The following PRKAB2 variants were observed in gnomAD, a reference collection of about 807,000 sequenced individuals.
PRKAB2 encodes the protein protein kinase AMP-activated non-catalytic subunit beta 2.
A neutral mutation model predicts 29.8 loss-of-function variants in PRKAB2; 18 were observed. The ratio of observed to expected loss-of-function variants is 0.60; its 90% CI spans 0.42 to 0.89. The LOEUF (loss-of-function observed/expected upper bound fraction) is 0.89. PRKAB2 is among the 40% of genes least tolerant of loss of function. The pLI is 0.00. For missense variants in PRKAB2, 270 were observed against 344.3 expected (o/e 0.78, Z 1.71); for synonymous variants, 136 against 125.9 (o/e 1.08, Z -0.54).
intron 5 of PRKAB2, 85 bp from the exon 6 acceptor site, chr1:147,162,658 C>T: frequency 1.5e-6 from 2 of 1,336,620 alleles, no homozygotes; most frequent in South Asian, 1.4e-5. Flanking sequence ...TGGCAGCTAA[C>T]ATTAAATATG....
At position 147,159,953 on chromosome 1, in the gene PRKAB2, T is replaced by A. The variant is rs373100641; in HGVS notation, c.742-311A>T. 3.4e-4 allele frequency among the ~76,000 whole-genome samples: 52 copies of A among 152,178 alleles called. 3 individuals are homozygous for A. The South Asian group carries it at 0.011, about 31-fold the overall frequency. On this transcript the variant is annotated intron_variant, in intron 7 of 7. Coordinates refer to ENST00000254101, the MANE Select transcript of PRKAB2 (RefSeq NM_005399.5). ...CTGACACATAAAAGGGCTGAAGAAATAATAGTCTCCTACCTTGCTCCCTTC... is the reference window on the plus strand; with the variant it reads ...CTGACACATAAAAGGGCTGAAGAAAAAATAGTCTCCTACCTTGCTCCCTTC...
chr1:147,159,740 A>G, intron 7 of PRKAB2, 98 bp from the exon 8 acceptor site: 1 of 1,060,930 alleles, frequency 9.4e-7, no homozygotes, highest in Non-Finnish European at 1.4e-6. Context: ...CTTTTAACAG[A>G]GATAGTTTGA....
rs201034089 is a variant in PRKAB2, at chr1:147,167,947, T to C, written c.157-14A>G. On this transcript the variant is annotated splice_polypyrimidine_tract_variant and intron_variant, in intron 2 of 7. Coordinates refer to ENST00000254101, the MANE Select transcript of PRKAB2 (RefSeq NM_005399.5). ...GTCCCCAGGGAGCTGTAAGAAGGAG[T>C]AGGTCATCCCTAGAATAAACTGTGA... The C allele has an allele frequency of 3.1e-6, 5 of 1,606,758 alleles. No homozygotes were observed. The African/African-American group carries it at 5.4e-5, about 17-fold the overall frequency.
chr1:147,165,228 G>A (rs935783086), intron 5 of PRKAB2, among the ~76,000 whole-genome samples: 8 of 152,112 alleles, frequency 5.3e-5, no homozygotes, highest in Non-Finnish European at 7.4e-5. Flanking sequence ...AGGTTTCACC[G>A]TGTTAGCCAG....
chr1:147,169,188 T>C (rs1433204983), intron 2 of PRKAB2, among the ~76,000 whole-genome samples: 3 of 152,136 alleles, frequency 2.0e-5, no homozygotes, highest in African/African-American at 7.2e-5. Flanking sequence ...TGGGTTTTTT[T>C]TTAAAAAAAG....
rs1231243727 is a variant in PRKAB2 at position 147,159,455 on chromosome 1, C to T, written c.*110G>A. 10 of 881,576 alleles carry T rather than the reference C, an allele frequency of 1.1e-5. No individual in the cohort carries two copies. The Middle Eastern group carries it at 1.2e-3, about 109-fold the overall frequency. 54.6% of individuals were successfully genotyped at this position (881,576 alleles called of 1,614,324 possible). On this transcript the variant is annotated 3_prime_UTR_variant, in exon 8 of 8. Coordinates refer to ENST00000254101, the MANE Select transcript of PRKAB2 (RefSeq NM_005399.5). Reference sequence around the variant, plus strand: ...TCCTACTCAGAGGCTCTGAAACACACATATCAGCCTCAAAGCAAATCAGCC... The same window carrying T: ...TCCTACTCAGAGGCTCTGAAACACATATATCAGCCTCAAAGCAAATCAGCC...
At position 147,158,092 on chromosome 1, in the gene PRKAB2, T is replaced by C. The variant is rs1553912633; in HGVS notation, c.*1473A>G. On this transcript the variant is annotated 3_prime_UTR_variant, in exon 8 of 8. Coordinates refer to ENST00000254101, the MANE Select transcript of PRKAB2 (RefSeq NM_005399.5). ...ATCAACAGTTTAGCCTCCTTTAGTG[T>C]TGATTATTTGACTTATCTGCAAAAT... 1 of 152,126 alleles carries C rather than the reference T, an allele frequency of 6.6e-6. No individual in the cohort carries two copies. Among genetic ancestry groups the C allele is most frequent in the Non-Finnish European group, 1.5e-5 (1 of 68,020 alleles). The allele number at this position is 152,126 out of a possible 1,614,324, so 9.4% of individuals were successfully genotyped here.
intron 7 of PRKAB2, among the ~76,000 whole-genome samples, chr1:147,159,882 C>T (rs1376100136): frequency 1.3e-5 from 2 of 152,150 alleles, no homozygotes; most frequent in East Asian, 3.9e-4. Flanking sequence ...TAACACCTAC[C>T]ATTAAGGTTG....
rs1571050827 is a variant in PRKAB2, at chr1:147,159,406, G to A, written c.*159C>T. ...CCGTGAACTCATAAAGCTCTCATCT[G>A]CAATCAAATGCAAAAGCAGAGCATC... On this transcript the variant is annotated 3_prime_UTR_variant, in exon 8 of 8. Transcript: ENST00000254101. The A allele has an allele frequency of 6.9e-6, 4 of 576,836 alleles. No homozygotes were observed. In the East Asian group the frequency reaches 1.1e-4, roughly 16 times the overall value. The allele number at this position is 576,836 out of a possible 1,614,324, so 35.7% of individuals were successfully genotyped here. A position where few individuals can be genotyped will look rare whatever the true frequency, so the allele number is the denominator to read the frequency against.
Position 147,172,419 on chromosome 1 carries a change from C to T in PRKAB2, c.-24+10G>A, listed in dbSNP as rs1553914621. 5.8e-6 allele frequency: 3 copies of T among 519,444 alleles called. No individual in the cohort carries two copies. Among genetic ancestry groups the T allele is most frequent in the East Asian group, 7.0e-5 (2 of 28,760 alleles). 32.2% of individuals were successfully genotyped at this position (519,444 alleles called of 1,614,324 possible). On this transcript the variant is annotated intron_variant, in intron 1 of 7. Coordinates refer to ENST00000254101, the MANE Select transcript of PRKAB2 (RefSeq NM_005399.5). Reference sequence around the variant, plus strand: ...GCGCTCACTGCCAGGGGCGCCCCCACTCCAGTCACCTCGGGCGATGCGCTC... The same window carrying T: ...GCGCTCACTGCCAGGGGCGCCCCCATTCCAGTCACCTCGGGCGATGCGCTC...
intron 7 of PRKAB2, among the ~76,000 whole-genome samples, chr1:147,160,143 AT>A (rs1653883421): frequency 6.6e-6 from 1 of 152,198 alleles, no homozygotes; most frequent in Non-Finnish European, 1.5e-5. Flanking sequence ...TCTAATTTTC[AT>A]TTAAAACCAG....
rs367700618 is a variant in PRKAB2, at chr1:147,167,607, T to TA, written c.323+159dup. Among the ~76,000 whole-genome samples the TA allele has an allele frequency of 3.1e-4, 47 of 151,546 alleles. No individual in the cohort carries two copies. In the East Asian group the frequency reaches 6.2e-3, roughly 20 times the overall value. On this transcript the variant is annotated intron_variant, in intron 3 of 7. Transcript: ENST00000254101. The stretch of plus-strand genomic sequence containing the variant: ...AAACATCTCTGACTCACTATGAGGT[T>TA]AAAAAAAAATCCCACAGATATACTA...
chr1:147,161,817 T>C, intron 6 of PRKAB2, 37 bp from the exon 7 acceptor site: 1 of 1,503,538 alleles, frequency 6.7e-7, no homozygotes, highest in Non-Finnish European at 9.1e-7. Flanking sequence ...AAAAAATTAC[T>C]AAATGAAATT....
At chr1:147,162,996 G>A (rs1325257347) in intron 5 of PRKAB2, among the ~76,000 whole-genome samples, 3 of 152,132 alleles carry the variant, frequency 2.0e-5, no homozygotes, top group Admixed American at 6.5e-5. Flanking sequence ...CAAACAATGG[G>A]AAAAGATTAG....
At chr1:147,166,402 T>A in intron 5 of PRKAB2, 96 bp downstream of exon 5, 4 of 1,323,254 alleles carry the variant, frequency 3.0e-6, no homozygotes, top group Non-Finnish European at 3.1e-6. Context: ...CCCCCTGCTC[T>A]CTCTCTCCCT....
Position 147,161,644 on chromosome 1 carries a change from T to C in PRKAB2, c.741+68A>G, listed in dbSNP as rs587697211. On this transcript the variant is annotated intron_variant, in intron 7 of 7. Coordinates refer to ENST00000254101, the MANE Select transcript of PRKAB2 (RefSeq NM_005399.5). ...ATGAAATAGCAGAGAAAGTAACCACTGAGAACGTATGTTACCCTTGACCTC... is the reference window on the plus strand; with the variant it reads ...ATGAAATAGCAGAGAAAGTAACCACCGAGAACGTATGTTACCCTTGACCTC... 29 of 1,337,490 alleles carry C rather than the reference T, an allele frequency of 2.2e-5. No homozygotes were observed. In the African/African-American group the frequency reaches 3.9e-4, roughly 18 times the overall value. 82.9% of individuals were successfully genotyped at this position (1,337,490 alleles called of 1,614,324 possible).
At chr1:147,167,019 A>G in intron 3 of PRKAB2, 80 bp from the exon 4 acceptor site, 1 of 1,155,950 alleles carries the variant, frequency 8.7e-7, no homozygotes, top group Non-Finnish European at 1.3e-6. Context: ...CAATCATAGT[A>G]TCATATGAAT....
At chr1:147,159,802 T>C (rs1486674986) in intron 7 of PRKAB2, among the ~76,000 whole-genome samples, 160 bp from the exon 8 acceptor site, 1 of 152,190 alleles carries the variant, frequency 6.6e-6, no homozygotes, top group African/African-American at 2.4e-5. Context: ...ACTCCTATCA[T>C]CATTCTACTT....
chr1:147,161,228 C>T (rs1174203354), intron 7 of PRKAB2, among the ~76,000 whole-genome samples: 4 of 152,066 alleles, frequency 2.6e-5, no homozygotes, highest in African/African-American at 7.2e-5. Context: ...CTAGAGTTGA[C>T]GGGACAGGGC....
Sources: allele counts gnomAD v4.1 joint callset (sites outside exome capture counted in the v4.1 genomes callset), GRCh38; gene constraint gnomAD v4.1.1; transcripts MANE v1.5; gene names NCBI Gene and HGNC (gene_info 2026-07-23, HGNC 2026-07-21).